The following TNRC6B variants were observed in gnomAD, a reference collection of about 807,000 sequenced individuals.
The protein encoded by TNRC6B is trinucleotide repeat containing adaptor 6B, also known as trinucleotide repeat-containing gene 6B protein.
TNRC6B carries 52 observed loss-of-function variants against 203.6 expected under a neutral mutation model. The ratio of observed to expected loss-of-function variants is 0.26; its 90% CI spans 0.20 to 0.32. The LOEUF is 0.32. Among genes scored for constraint, TNRC6B ranks in the 10% least tolerant of loss-of-function variants. TNRC6B has a pLI of 1.00. For missense variants in TNRC6B, 1,923 were observed against 2,286.2 expected, an observed-to-expected ratio of 0.84 and a Z score of 3.24; for synonymous variants, 838 against 845.7, an observed-to-expected ratio of 0.99 and a Z score of 0.16.
At chr22:40,098,153 A>G (rs2068200143) in intron 1 of TNRC6B, among the ~76,000 whole-genome samples, 1 of 152,080 alleles carries the variant, frequency 6.6e-6, no homozygotes, top group South Asian at 2.1e-4. Flanking sequence ...TGGGAGGCTG[A>G]GATGGGCTGA....
intron 1 of TNRC6B, among the ~76,000 whole-genome samples, chr22:40,183,271 C>T (rs2069159379): frequency 6.6e-6 from 1 of 152,178 alleles, no homozygotes; most frequent in Non-Finnish European, 1.5e-5. Context: ...TTTGCTGTAT[C>T]TCCCTTTGTT....
At chr22:40,109,257 T>C (rs913094557) in intron 1 of TNRC6B, among the ~76,000 whole-genome samples, 13 of 152,192 alleles carry the variant, frequency 8.5e-5, no homozygotes, top group African/African-American at 3.1e-4. Flanking sequence ...CGTGTATGTA[T>C]CTTTATAATA....
At chr22:40,230,051 G>A (rs1393401862) in intron 1 of TNRC6B, among the ~76,000 whole-genome samples, 1 of 152,146 alleles carries the variant, frequency 6.6e-6, no homozygotes, top group Non-Finnish European at 1.5e-5. Context: ...TTTCCAAAGT[G>A]ATTGTACCAT....
chr22:40,323,154 C>T lies in TNRC6B; in HGVS notation c.5415C>T (p.Val1805=), dbSNP rs1569070926. The change falls in exon 23 of 23, where the codon GTC becomes GTT. Residue 1805 remains valine (V), a synonymous_variant. Transcript: ENST00000454349. The part of the protein sequence containing the change: ...PPNYSSSLWG[V]PTVEDPHRMG... The stretch of plus-strand genomic sequence containing the variant: ...ACTATTCTTCTAGCTTATGGGGAGT[C>T]CCAACGGTGGAAGATCCCCATAGGA... The T allele has an allele frequency of 6.2e-7, 1 of 1,613,854 alleles. No individual in the cohort carries two copies. The highest frequency in any genetic ancestry group is 8.5e-7 in the Non-Finnish European group (1 of 1,179,850).
intron 7 of TNRC6B, among the ~76,000 whole-genome samples, chr22:40,273,802 C>A (rs1258649336): frequency 6.6e-6 from 1 of 152,126 alleles, no homozygotes; most frequent in Non-Finnish European, 1.5e-5. Flanking sequence ...CCGGAACTAT[C>A]ACCATGCCTG....
chr22:40,216,648 T>C (rs1229028390), intron 1 of TNRC6B, among the ~76,000 whole-genome samples: 1 of 152,152 alleles, frequency 6.6e-6, no homozygotes, highest in Non-Finnish European at 1.5e-5. Flanking sequence ...GCAACACCTC[T>C]ATATTAAGTG....
In TNRC6B at chr22:40,329,009, AGT is replaced by A. The variant is rs1159815232; in HGVS notation, c.*5771_*5772del. The A allele has an allele frequency of 1.4e-5, 2 of 146,210 alleles. No individual in the cohort carries two copies. The highest frequency in any genetic ancestry group is 5.5e-5 in the African/African-American group (2 of 36,550). 9.1% of individuals were successfully genotyped at this position (146,210 alleles called of 1,614,324 possible). On this transcript the variant is annotated 3_prime_UTR_variant, in exon 23 of 23. Coordinates refer to ENST00000454349, the MANE Select transcript of TNRC6B (RefSeq NM_001162501.2). ...TGTGTATGCATTAACTATACTTCTTAGTGTTACTGCAAAAAAAAAAAACAAAA... is the reference window on the plus strand; with the variant it reads ...TGTGTATGCATTAACTATACTTCTTAGTTACTGCAAAAAAAAAAAACAAAA...
intron 1 of TNRC6B, among the ~76,000 whole-genome samples, chr22:40,185,800 TGA>T (rs1416989661): frequency 1.3e-5 from 2 of 152,040 alleles, no homozygotes; most frequent in Non-Finnish European, 2.9e-5. Flanking sequence ...AAGGAAGAAT[TGA>T]GAGACAGGCA....
chr22:40,083,886 G>T (rs1250729366), intron 1 of TNRC6B, among the ~76,000 whole-genome samples: 1 of 152,114 alleles, frequency 6.6e-6, no homozygotes, highest in Non-Finnish European at 1.5e-5. Context: ...GGCAGGGAAG[G>T]GTTGGGGAGG....
chr22:40,048,588 C>A (rs556877182), intron 1 of TNRC6B, among the ~76,000 whole-genome samples: 1 of 151,946 alleles, frequency 6.6e-6, no homozygotes, highest in African/African-American at 2.4e-5. Context: ...CAGGTTTCAT[C>A]CTTTTCTGTC....
chr22:40,326,178 C>T lies in TNRC6B; in HGVS notation c.*2937C>T, dbSNP rs1410206956. On this transcript the variant is annotated 3_prime_UTR_variant, in exon 23 of 23. Coordinates refer to ENST00000454349, the MANE Select transcript of TNRC6B (RefSeq NM_001162501.2). ...AAATTTGCAAGCATTCTCAGGAATT[C>T]TAGGGTAGGAAGCCAGTTTTTTGAA... The T allele has an allele frequency of 6.6e-6, 1 of 152,392 alleles. No homozygotes were observed. Among genetic ancestry groups the T allele is most frequent in the African/African-American group, 2.4e-5 (1 of 41,372 alleles). The allele number at this position is 152,392 out of a possible 1,614,324, so 9.4% of individuals were successfully genotyped here.
intron 15 of TNRC6B, among the ~76,000 whole-genome samples, chr22:40,301,953 T>TG (rs2071029642): frequency 6.6e-6 from 1 of 152,234 alleles, no homozygotes; most frequent in Admixed American, 6.5e-5. Context: ...TACACATGGC[T>TG]GAGGTTATGA....
At chr22:40,280,280 CGTG>C in intron 10 of TNRC6B, 137 bp downstream of exon 10, 1 of 802,640 alleles carries the variant, frequency 1.2e-6, no homozygotes, top group Non-Finnish European at 1.9e-6. Flanking sequence ...CCTGCATTAA[CGTG>C]GTGACCTGAA....
rs138403261 is a variant in TNRC6B at position 40,249,591 on chromosome 22, A to G, written c.94-1588A>G. ...CCGTCTGGGGGACAGCTTTTAACAG[A>G]ACCCACATGATAAAACATATTTGAC... On this transcript the variant is annotated intron_variant, in intron 2 of 22. Coordinates refer to ENST00000454349, the MANE Select transcript of TNRC6B (RefSeq NM_001162501.2). Among the ~76,000 whole-genome samples, 310 of 152,352 alleles carry G rather than the reference A, an allele frequency of 2.0e-3. 1 individual carries two copies. Among genetic ancestry groups the G allele is most frequent in the African/African-American group, 7.3e-3 (303 of 41,578 alleles).
intron 1 of TNRC6B, among the ~76,000 whole-genome samples, chr22:40,057,799 G>C (rs2067812872): frequency 6.6e-6 from 1 of 152,100 alleles, no homozygotes. Context: ...GCTCTCTGAG[G>C]AGCTAAATGT....
chr22:40,121,326 C>G (rs2068443867), intron 2 of TNRC6B, among the ~76,000 whole-genome samples: 1 of 152,088 alleles, frequency 6.6e-6, no homozygotes. Context: ...CTAGCACAAG[C>G]AATTTAAAGG....
rs1236102077 is a variant in TNRC6B at position 40,258,720 on chromosome 22, C to CT, written c.116-3109dup. 3.3e-5 allele frequency among the ~76,000 whole-genome samples: 5 copies of CT among 152,212 alleles called. No individual in the cohort carries two copies. The East Asian group carries it at 9.6e-4, about 29-fold the overall frequency. Reference sequence around the variant, plus strand: ...GAGGTGTGTTCCCATTTTATAATGACTTTATCATTTACAATCCATTCTGTC... The same window carrying CT: ...GAGGTGTGTTCCCATTTTATAATGACTTTTATCATTTACAATCCATTCTGTC... On this transcript the variant is annotated intron_variant, in intron 3 of 22. Transcript: ENST00000454349.
chr22:40,136,135 AAGAT>A (rs1417018093), intron 3 of TNRC6B, among the ~76,000 whole-genome samples: 1 of 152,166 alleles, frequency 6.6e-6, no homozygotes, highest in Non-Finnish European at 1.5e-5. Context: ...GTTCTTAACA[AAGAT>A]AGATTGGAAT....
Position 40,264,729 on chromosome 22 carries a change from T to A in TNRC6B, c.499T>A (p.Ser167Thr). 6.2e-7 allele frequency: 1 copy of A among 1,605,838 alleles called. No homozygotes were observed. The highest frequency in any genetic ancestry group is 8.5e-7 in the Non-Finnish European group (1 of 1,175,040). The change falls in exon 5 of 23, where the codon TCC becomes ACC. Residue 167 changes from serine (S) to threonine (T), a missense_variant. By Grantham distance (58) the Ser-to-Thr change is moderately conservative. This residue lies in a region of TNRC6B where 614 missense variants were observed against 587.7 expected (regional missense o/e 1.04). Transcript: ENST00000454349. ...TGCTGCTGCTTCAAATTATGCAAAT[T>A]CCACTTGGGGCTCGGGAGCCTCCTC... Reference protein sequence around the residue: ...GGAAASNYANSTWGSGASSNN... With the variant: ...GGAAASNYANTTWGSGASSNN...
Sources: gnomAD v4.1 joint callset for allele counts (sites outside exome capture counted in the v4.1 genomes callset) on GRCh38, gnomAD v4.1.1 for gene constraint, gnomAD v4.1.1 regional missense constraint, MANE v1.5 for transcripts, NCBI Gene and HGNC (gene_info 2026-07-23, HGNC 2026-07-21) for gene names.